The following GIPC2 variants were observed in gnomAD, a reference collection of about 807,000 sequenced individuals.
GIPC2 encodes GIPC PDZ domain containing family member 2.
Under a neutral mutation model 30.6 loss-of-function variants are expected in GIPC2, and 30 were observed. The observed-to-expected ratio is 0.98, with a 90% CI of 0.73 to 1.33. The LOEUF (loss-of-function observed/expected upper bound fraction) is 1.33. Among genes scored for constraint, GIPC2 ranks in the 40% most tolerant of loss-of-function variants. GIPC2 has a pLI of 0.00. For synonymous variants in GIPC2, 167 were observed against 150.0 expected, an observed-to-expected ratio of 1.11 and a Z score of -0.83; for missense variants, 414 against 390.3, an observed-to-expected ratio of 1.06 and a Z score of -0.51.
chr1:78,130,071 A>G (rs1237749420), intron 5 of GIPC2, among the ~76,000 whole-genome samples: 1 of 150,646 alleles, frequency 6.6e-6, no homozygotes, highest in Non-Finnish European at 1.5e-5. Context: ...TTTAATAGTG[A>G]GAATTACATT....
rs762408722 is a variant in GIPC2 at position 78,046,226 on chromosome 1, C to T, written c.132C>T (p.Phe44=). The change falls in exon 1 of 6, where the codon TTC becomes TTT. Residue 44 remains phenylalanine (F), a synonymous_variant. Transcript: ENST00000370759. Reference sequence around the variant, plus strand: ...GGGCTCCCGCACGCAGGCTGGTCTTCCACGCGCAGCTGGCGCACGGTAGTG... The same window carrying T: ...GGGCTCCCGCACGCAGGCTGGTCTTTCACGCGCAGCTGGCGCACGGTAGTG... ...ASRAPARRLV[F]HAQLAHGSAT... 6.2e-7 allele frequency: 1 copy of T among 1,604,770 alleles called. No individual in the cohort carries two copies. Among genetic ancestry groups the T allele is most frequent in the South Asian group, 1.1e-5 (1 of 89,862 alleles).
chr1:78,122,550 G>T (rs1662701712), intron 4 of GIPC2, among the ~76,000 whole-genome samples: 1 of 152,216 alleles, frequency 6.6e-6, no homozygotes, highest in South Asian at 2.1e-4. Flanking sequence ...GAGAGTGAGT[G>T]TGCAGGAGAA....
intron 3 of GIPC2, among the ~76,000 whole-genome samples, chr1:78,105,490 GTTGGCCAAGATGGTCTCAATCTT>G (rs1662328410): frequency 6.6e-6 from 1 of 152,016 alleles, no homozygotes; most frequent in African/African-American, 2.4e-5. Context: ...GTTTCACCAT[GTTGGCCAAGATGGTCTCAATCTT>G]TTGACCTCGT....
Position 78,135,809 on chromosome 1 carries a change from A to G in GIPC2, c.*66A>G, listed in dbSNP as rs891582538. 9 of 1,360,570 alleles carry G rather than the reference A, an allele frequency of 6.6e-6. No homozygotes were observed. Among genetic ancestry groups the G allele is most frequent in the Admixed American group, 4.2e-5 (2 of 47,200 alleles). The allele number at this position is 1,360,570 out of a possible 1,614,324, so 84.3% of individuals were successfully genotyped here. On this transcript the variant is annotated 3_prime_UTR_variant, in exon 6 of 6. Transcript: ENST00000370759. ...TTTTTTCTCTTTTTTAAAAAGTCCT[A>G]TAAGATCTGTTTTTGGACACCTTTA...
intron 5 of GIPC2, among the ~76,000 whole-genome samples, chr1:78,132,665 A>ATGTGTGTG (rs61463492): frequency 0.33 from 46,385 of 142,354 alleles, 7,983 homozygotes; most frequent in East Asian, 0.7. Flanking sequence ...ATAGCCAAGG[A>ATGTGTGTG]TGTGTGTGTG....
intron 1 of GIPC2, among the ~76,000 whole-genome samples, chr1:78,072,155 ATTG>A (rs1661633347): frequency 1.3e-5 from 2 of 152,240 alleles, no homozygotes; most frequent in South Asian, 4.1e-4. Flanking sequence ...CTCACATAAA[ATTG>A]TTGTTGATAA....
chr1:78,110,905 T>A (rs896207763), intron 3 of GIPC2, among the ~76,000 whole-genome samples: 1 of 152,188 alleles, frequency 6.6e-6, no homozygotes, highest in Non-Finnish European at 1.5e-5. Flanking sequence ...GATCTGTTCT[T>A]TGTGAATTTG....
At chr1:78,089,990 T>C (rs1269284529) in intron 2 of GIPC2, among the ~76,000 whole-genome samples, 1 of 152,212 alleles carries the variant, frequency 6.6e-6, no homozygotes, top group Non-Finnish European at 1.5e-5. Flanking sequence ...GAATTTATTA[T>C]AATTTTCACA....
At chr1:78,126,900 A>G (rs1267334371) in intron 5 of GIPC2, among the ~76,000 whole-genome samples, 1 of 152,148 alleles carries the variant, frequency 6.6e-6, no homozygotes, top group African/African-American at 2.4e-5. Context: ...AGAGGATGGT[A>G]GGTCTGGGTT....
At chr1:78,052,332 T>C (rs1661212374) in intron 1 of GIPC2, among the ~76,000 whole-genome samples, 1 of 152,192 alleles carries the variant, frequency 6.6e-6, no homozygotes, top group East Asian at 1.9e-4. Context: ...CAATAGAAGC[T>C]CCACAAAGGC....
At chr1:78,062,600 C>A (rs1417811381) in intron 1 of GIPC2, among the ~76,000 whole-genome samples, 1 of 151,522 alleles carries the variant, frequency 6.6e-6, no homozygotes, top group African/African-American at 2.4e-5. Context: ...CTCCACCTCC[C>A]AGGCTTAAGT....
intron 3 of GIPC2, among the ~76,000 whole-genome samples, chr1:78,105,021 A>G (rs1430610056): frequency 6.6e-6 from 1 of 152,164 alleles, no homozygotes. Context: ...AAAAAATCCA[A>G]GTTCCCTTTT....
intron 4 of GIPC2, among the ~76,000 whole-genome samples, chr1:78,123,032 G>T (rs780154912): frequency 2.0e-5 from 3 of 152,032 alleles, no homozygotes; most frequent in African/African-American, 7.2e-5. Flanking sequence ...GACTGATGTG[G>T]GTGGGTTACC....
At chr1:78,082,374 A>G (rs1288127302) in intron 2 of GIPC2, among the ~76,000 whole-genome samples, 2 of 152,230 alleles carry the variant, frequency 1.3e-5, no homozygotes, top group Non-Finnish European at 2.9e-5. Context: ...TAGGGAAGTT[A>G]TCTTCTTAAC....
intron 1 of GIPC2, among the ~76,000 whole-genome samples, chr1:78,054,722 C>T (rs911774526): frequency 2.6e-5 from 4 of 152,186 alleles, no homozygotes; most frequent in Admixed American, 2.6e-4. Context: ...AAAAACATGA[C>T]TCATTTTGAG....
At chr1:78,129,065 A>G (rs1239491597) in intron 5 of GIPC2, among the ~76,000 whole-genome samples, 1 of 152,034 alleles carries the variant, frequency 6.6e-6, no homozygotes, top group Non-Finnish European at 1.5e-5. Flanking sequence ...GCTTAAAAAA[A>G]GGAAATTCAG....
chr1:78,115,411 C>T (rs1343839534), intron 3 of GIPC2, among the ~76,000 whole-genome samples: 1 of 152,074 alleles, frequency 6.6e-6, no homozygotes, highest in African/African-American at 2.4e-5. Flanking sequence ...GGTGAAATTG[C>T]AGTAGGGTCG....
intron 3 of GIPC2, among the ~76,000 whole-genome samples, chr1:78,118,104 G>T (rs1451328500): frequency 1.6e-4 from 25 of 151,754 alleles, no homozygotes; most frequent in Admixed American, 1.6e-3. Flanking sequence ...TGTATTTTTA[G>T]CAGAGATGGA....
intron 1 of GIPC2, among the ~76,000 whole-genome samples, chr1:78,050,177 C>T (rs1389395728): frequency 6.6e-6 from 1 of 151,444 alleles, no homozygotes; most frequent in Non-Finnish European, 1.5e-5. Context: ...GGATTACCGA[C>T]GTGAGCTACT....
Sources: gnomAD v4.1 joint callset for allele counts (sites outside exome capture counted in the v4.1 genomes callset) on GRCh38, gnomAD v4.1.1 for gene constraint, MANE v1.5 for transcripts, NCBI Gene and HGNC (gene_info 2026-07-23, HGNC 2026-07-21) for gene names.